LIMA1: variants seen among roughly 807,000 people sequenced by gnomAD.
LIMA1 encodes LIM domain and actin binding 1, also known as LIM domain and actin-binding protein 1.
In LIMA1, 52 loss-of-function variants were observed where a neutral mutation model predicts 62.6. The ratio of observed to expected loss-of-function variants is 0.83; its 90% CI spans 0.67 to 1.05. LIMA1 has a LOEUF of 1.05. Ranked by LOEUF, LIMA1 falls within the 50% of genes least tolerant of loss-of-function variation. The pLI is 0.00. For missense variants in LIMA1, 780 were observed against 902.2 expected (o/e 0.86, Z 1.74); for synonymous variants, 302 against 317.8 (o/e 0.95, Z 0.53).
At chr12:50,278,948 A>G (rs1942305701) in intron 1 of LIMA1, among the ~76,000 whole-genome samples, 1 of 151,898 alleles carries the variant, frequency 6.6e-6, no homozygotes, top group Non-Finnish European at 1.5e-5. Flanking sequence ...ATTATGGAAT[A>G]TGGGTTATTT....
At chr12:50,259,693 G>A (rs1012648781) in intron 1 of LIMA1, among the ~76,000 whole-genome samples, 2 of 152,126 alleles carry the variant, frequency 1.3e-5, no homozygotes, top group African/African-American at 4.8e-5. Context: ...CAAGTCTGCA[G>A]GCATGTTAGA....
At chr12:50,269,918 CAAATAAAAAAAAA>C (rs1942184632) in intron 1 of LIMA1, among the ~76,000 whole-genome samples, 1 of 88,136 alleles carries the variant, frequency 1.1e-5, no homozygotes, top group African/African-American at 4.7e-5. Context: ...AAAACTCCGT[CAAATAAAAAAAAA>C]AAAAAAAAAA....
chr12:50,177,110 T>G lies in LIMA1; in HGVS notation c.2234A>C (p.Gln745Pro), dbSNP rs764131457. Residue 745 changes from glutamine to proline, a missense_variant, in exon 11 of 11, where the codon CAG becomes CCG. Transcript: ENST00000341247. ...EVVKELSVEE[Q>P]IKRNRYYDED... The stretch of plus-strand genomic sequence containing the variant: ...ATCATAATACCGATTTCTCTTTATC[T>G]GTTCTTCCACAGAGAGCTCTTTGAC... 3.7e-6 allele frequency: 6 copies of G among 1,603,160 alleles called. No individual in the cohort carries two copies. The South Asian group carries it at 6.8e-5, about 18-fold the overall frequency.
At chr12:50,282,563 C>G (rs1230390182) in intron 1 of LIMA1, among the ~76,000 whole-genome samples, 1 of 152,212 alleles carries the variant, frequency 6.6e-6, no homozygotes, top group Non-Finnish European at 1.5e-5. Context: ...AAGGGTCTCG[C>G]TAAGTTGCCT....
In LIMA1 at chr12:50,195,577, CA is replaced by C. The variant is rs1592507832; in HGVS notation, c.1030+252del. 1.2e-5 allele frequency: 4 copies of C among 344,306 alleles called. No individual in the cohort carries two copies. In the East Asian group the frequency reaches 1.8e-4, roughly 16 times the overall value. The allele number at this position is 344,306 out of a possible 1,614,324, so 21.3% of individuals were successfully genotyped here. The stretch of plus-strand genomic sequence containing the variant: ...GCTTCAATTCTGAAAGGGTTTGGTG[CA>C]AAAAGTAGGATGAATTCAATGAGAA... On this transcript the variant is annotated intron_variant, in intron 8 of 10. Coordinates refer to ENST00000341247, the MANE Select transcript of LIMA1 (RefSeq NM_016357.5).
At chr12:50,266,485 A>G (rs922038770) in intron 1 of LIMA1, among the ~76,000 whole-genome samples, 1 of 152,214 alleles carries the variant, frequency 6.6e-6, no homozygotes, top group Non-Finnish European at 1.5e-5. Flanking sequence ...GTACCTCATA[A>G]TATTTCATTC....
chr12:50,247,818 A>G (rs948536224), intron 2 of LIMA1, among the ~76,000 whole-genome samples: 2 of 151,964 alleles, frequency 1.3e-5, no homozygotes, highest in African/African-American at 4.8e-5. Flanking sequence ...TAGTAGAGAC[A>G]GGGTTTCACC....
At position 50,204,696 on chromosome 12, in the gene LIMA1, C is replaced by G; in HGVS notation, c.720G>C (p.Gln240His). ...SLDDLEIGPG[Q>H]LSSSTFDSEK... ...CCGAGTCAAATGTAGAAGATGACAA[C>G]TGACCTGGAAGCATCCAAATAACAT... Residue 240 changes from glutamine to histidine, a missense_variant, in exon 6 of 11, where the codon CAG becomes CAC. Coordinates refer to ENST00000341247, the MANE Select transcript of LIMA1 (RefSeq NM_016357.5). 1 of 1,614,070 alleles carries G rather than the reference C, an allele frequency of 6.2e-7. No individual in the cohort carries two copies. The highest frequency in any genetic ancestry group is 2.2e-5 in the East Asian group (1 of 44,888).
At chr12:50,207,450 C>T (rs1287682762) in intron 4 of LIMA1, among the ~76,000 whole-genome samples, 1 of 152,062 alleles carries the variant, frequency 6.6e-6, no homozygotes, top group Non-Finnish European at 1.5e-5. Flanking sequence ...AGTTTATTTC[C>T]AGACAACTTG....
intron 9 of LIMA1, among the ~76,000 whole-genome samples, chr12:50,190,524 T>G (rs1940735425): frequency 7.1e-6 from 1 of 140,594 alleles, no homozygotes; most frequent in South Asian, 2.4e-4. Flanking sequence ...TGTGCCACCA[T>G]GCCCGGCTAA....
intron 7 of LIMA1, among the ~76,000 whole-genome samples, chr12:50,199,481 G>A (rs545215559): frequency 2.0e-5 from 3 of 152,222 alleles, no homozygotes; most frequent in Admixed American, 2.0e-4. Flanking sequence ...ACTCAGCTCA[G>A]ACATCACCTT....
Position 50,181,485 on chromosome 12 carries a change from A to G in LIMA1, c.1274+419T>C, listed in dbSNP as rs78114577. 9.0e-3 allele frequency among the ~76,000 whole-genome samples: 1,373 copies of G among 152,346 alleles called. 13 individuals are homozygous for G. Among genetic ancestry groups the G allele is most frequent in the African/African-American group, 0.031 (1,306 of 41,576 alleles). On this transcript the variant is annotated intron_variant, in intron 10 of 10. Coordinates refer to ENST00000341247, the MANE Select transcript of LIMA1 (RefSeq NM_016357.5). Reference sequence around the variant, plus strand: ...TTTCTCAGAAATAAAGTGAGGCAACATAGAGAAAAAGACATGCTCTCCAGG... The same window carrying G: ...TTTCTCAGAAATAAAGTGAGGCAACGTAGAGAAAAAGACATGCTCTCCAGG...
intron 7 of LIMA1, among the ~76,000 whole-genome samples, chr12:50,196,832 G>A (rs965521262): frequency 6.6e-6 from 1 of 152,112 alleles, no homozygotes; most frequent in Non-Finnish European, 1.5e-5. Flanking sequence ...ATTCTGACAT[G>A]GCATAAAATA....
At chr12:50,226,925 T>TA (rs1941538788) in intron 3 of LIMA1, among the ~76,000 whole-genome samples, 1 of 137,114 alleles carries the variant, frequency 7.3e-6, no homozygotes, top group Admixed American at 7.2e-5. Flanking sequence ...TTTTTTTTTT[T>TA]ACAGGTTTCT....
chr12:50,263,606 T>G (rs1250215815), intron 1 of LIMA1, among the ~76,000 whole-genome samples: 1 of 151,984 alleles, frequency 6.6e-6, no homozygotes, highest in Non-Finnish European at 1.5e-5. Context: ...AAAATATTTC[T>G]TATTGTGGGG....
rs879849746 is a variant in LIMA1, at chr12:50,245,716, T to TA, written c.119+2916dup. On this transcript the variant is annotated intron_variant, in intron 2 of 10. Coordinates refer to ENST00000341247, the MANE Select transcript of LIMA1 (RefSeq NM_016357.5). ...CTACAGCACCCCCAGTGAGAAACAC[T>TA]AAAAAAAAAAAATGATGCTAGAAGC... is the stretch of plus-strand genomic sequence containing the variant. Among the ~76,000 whole-genome samples, 1,107 of 138,902 alleles carry TA rather than the reference T, an allele frequency of 8.0e-3. 18 individuals carry two copies. Among genetic ancestry groups the TA allele is most frequent in the African/African-American group, 0.026 (1,001 of 37,904 alleles). The allele number at this position is 138,902 out of a possible 152,430, so 91.1% of individuals were successfully genotyped here.
At chr12:50,179,919 C>T (rs1940456295) in intron 10 of LIMA1, among the ~76,000 whole-genome samples, 1 of 151,240 alleles carries the variant, frequency 6.6e-6, no homozygotes. Flanking sequence ...AGTCCCAGCA[C>T]TTTGGGAGGC....
At position 50,177,466 on chromosome 12, in the gene LIMA1, C is replaced by G; in HGVS notation, c.1878G>C (p.Val626=). ...GTTTCCTTTCTGCAACTCTTCCACCCACAGACTCTTCACTCTGCTCTGACA... is the reference window on the plus strand; with the variant it reads ...GTTTCCTTTCTGCAACTCTTCCACCGACAGACTCTTCACTCTGCTCTGACA... The part of the protein sequence containing the change: ...WSMSEQSEES[V]GGRVAERKQV... Residue 626 remains valine (V), a synonymous_variant, in exon 11 of 11, where the codon GTG becomes GTC. Transcript: ENST00000341247. 6.2e-7 allele frequency: 1 copy of G among 1,614,102 alleles called. No homozygotes were observed. The highest frequency in any genetic ancestry group is 8.5e-7 in the Non-Finnish European group (1 of 1,180,032).
At chr12:50,204,831 C>T (rs985661744) in intron 5 of LIMA1, 131 bp from the exon 6 acceptor site, 12 of 780,658 alleles carry the variant, frequency 1.5e-5, no homozygotes, top group South Asian at 3.7e-5. Context: ...GATATCCTCC[C>T]GCCTCAGCCT....
Sources: gnomAD v4.1 joint callset for allele counts (sites outside exome capture counted in the v4.1 genomes callset) on GRCh38, gnomAD v4.1.1 for gene constraint, MANE v1.5 for transcripts, NCBI Gene and HGNC (gene_info 2026-07-23, HGNC 2026-07-21) for gene names.